The following DPYSL3 variants were observed in gnomAD, a reference collection of about 807,000 sequenced individuals.
The protein encoded by DPYSL3 is dihydropyrimidinase-related protein 3.
In DPYSL3, 16 loss-of-function variants were observed where a neutral mutation model predicts 66.1. That is an observed-to-expected ratio of 0.24 (90% CI 0.16 to 0.37). The LOEUF (loss-of-function observed/expected upper bound fraction) is 0.37, where lower values mean the gene tolerates loss of function less well. Among genes scored for constraint, DPYSL3 ranks in the 10% least tolerant of loss-of-function variants. The pLI, the probability that DPYSL3 is intolerant of heterozygous loss-of-function variation, is 1.00. For synonymous variants in DPYSL3, 338 were observed against 345.1 expected (o/e 0.98, Z 0.23); for missense variants, 738 against 916.2 (o/e 0.81, Z 2.51).
intron 8 of DPYSL3, among the ~76,000 whole-genome samples, chr5:147,403,775 C>T (rs978573497): frequency 3.3e-5 from 5 of 152,114 alleles, no homozygotes; most frequent in Non-Finnish European, 5.9e-5. Flanking sequence ...CTGAGAATGA[C>T]GGTCCATGAG....
At chr5:147,498,930 A>ATCCCATTT (rs1343420296) in intron 1 of DPYSL3, among the ~76,000 whole-genome samples, 10 of 152,036 alleles carry the variant, frequency 6.6e-5, no homozygotes, top group African/African-American at 2.2e-4. Flanking sequence ...GTTTAATTAG[A>ATCCCATTT]TCCCATTTAT....
intron 1 of DPYSL3, among the ~76,000 whole-genome samples, chr5:147,443,938 C>A (rs1752582125): frequency 6.6e-6 from 1 of 152,064 alleles, no homozygotes; most frequent in Non-Finnish European, 1.5e-5. Flanking sequence ...CTTCCTGATG[C>A]CAAGCAGTGC....
chr5:147,463,654 A>G (rs927366783), intron 1 of DPYSL3, among the ~76,000 whole-genome samples: 8 of 152,142 alleles, frequency 5.3e-5, no homozygotes, highest in Non-Finnish European at 1.0e-4. Context: ...CCAATGTGGC[A>G]CAATGGGCAT....
chr5:147,426,815 G>A (rs1301260970), intron 1 of DPYSL3, among the ~76,000 whole-genome samples: 1 of 152,168 alleles, frequency 6.6e-6, no homozygotes, highest in Non-Finnish European at 1.5e-5. Context: ...GCTCTTCTAA[G>A]GTATTGCATA....
chr5:147,465,352 T>C (rs529771763), intron 1 of DPYSL3, among the ~76,000 whole-genome samples: 1 of 152,160 alleles, frequency 6.6e-6, no homozygotes, highest in South Asian at 2.1e-4. Context: ...CAGGCTGGAG[T>C]GCAGTGGCAC....
chr5:147,509,992 C>A lies in DPYSL3; in HGVS notation c.-134G>T. On this transcript the variant is annotated 5_prime_UTR_variant, in exon 1 of 14. Transcript: ENST00000343218. This position sits in a 1 kb window ranked among gnomAD's most constrained non-coding sequence, Gnocchi z 5.3. ...AGCCTTCGCGCCAGAGGCGGCAGTG[C>A]TGCTCCGATTCCTGCTTGTCCCTAG... is the stretch of plus-strand genomic sequence containing the variant. The A allele has an allele frequency of 7.4e-7, 1 of 1,346,808 alleles. No homozygotes were observed. Among genetic ancestry groups the A allele is most frequent in the Non-Finnish European group, 9.8e-7 (1 of 1,022,626 alleles). The allele number at this position is 1,346,808 out of a possible 1,614,324, so 83.4% of individuals were successfully genotyped here.
chr5:147,458,934 G>A (rs1303966216), intron 1 of DPYSL3, among the ~76,000 whole-genome samples: 1 of 151,706 alleles, frequency 6.6e-6, no homozygotes, highest in Non-Finnish European at 1.5e-5. Flanking sequence ...AAGCTCTTAA[G>A]TCAAGTTAAT....
intron 8 of DPYSL3, among the ~76,000 whole-genome samples, chr5:147,404,091 CACA>C (rs375191322): frequency 6.8e-4 from 104 of 152,254 alleles, no homozygotes; most frequent in African/African-American, 2.4e-3. Flanking sequence ...TGGGTGAGGG[CACA>C]AGGAGTTCCT....
At chr5:147,394,963 T>C in intron 13 of DPYSL3, among the ~76,000 whole-genome samples, 1 of 152,212 alleles carries the variant, frequency 6.6e-6, no homozygotes, top group South Asian at 2.1e-4. Context: ...TTCTCCATTT[T>C]AAGACTACTG....
chr5:147,407,108 A>G (rs531562333), intron 7 of DPYSL3, among the ~76,000 whole-genome samples: 1 of 152,228 alleles, frequency 6.6e-6, no homozygotes, highest in African/African-American at 2.4e-5. Context: ...TGAATTGAAC[A>G]GGGGCTGGCT....
At chr5:147,431,149 T>C (rs1752308496) in intron 1 of DPYSL3, among the ~76,000 whole-genome samples, 1 of 152,196 alleles carries the variant, frequency 6.6e-6, no homozygotes, top group Non-Finnish European at 1.5e-5. Context: ...ATGGATAGAC[T>C]GCATGGATGA....
chr5:147,430,786 A>C (rs1177810831), intron 1 of DPYSL3, among the ~76,000 whole-genome samples: 5 of 152,194 alleles, frequency 3.3e-5, no homozygotes, highest in Non-Finnish European at 5.9e-5. Flanking sequence ...ATCTGAGGTA[A>C]TGAGAACATG....
intron 3 of DPYSL3, among the ~76,000 whole-genome samples, chr5:147,416,664 A>T (rs945698185): frequency 5.3e-5 from 8 of 152,208 alleles, no homozygotes; most frequent in African/African-American, 1.9e-4. Flanking sequence ...AAATATACAT[A>T]AAAAACCCGG....
At chr5:147,470,266 AT>A (rs979265229) in intron 1 of DPYSL3, among the ~76,000 whole-genome samples, 2 of 151,982 alleles carry the variant, frequency 1.3e-5, no homozygotes, top group African/African-American at 4.8e-5. Context: ...CCTTCTGCAT[AT>A]TATTCTTGGT....
intron 11 of DPYSL3, 52 bp from the exon 12 acceptor site, chr5:147,397,897 C>T (rs375080336): frequency 9.8e-6 from 8 of 812,280 alleles, no homozygotes; most frequent in East Asian, 4.4e-5. Flanking sequence ...GAAAGAGGAA[C>T]GTACCTTCTC....
chr5:147,474,778 G>A (rs779371701), intron 1 of DPYSL3, among the ~76,000 whole-genome samples: 2 of 151,920 alleles, frequency 1.3e-5, no homozygotes, highest in Non-Finnish European at 2.9e-5. Flanking sequence ...AAAACACTTT[G>A]TTGAGATATA....
At chr5:147,406,318 C>T (rs1005335638) in intron 7 of DPYSL3, 1 of 152,152 alleles carries the variant, frequency 6.6e-6, no homozygotes, top group Non-Finnish European at 1.5e-5. Flanking sequence ...GCTAACCAAC[C>T]CAGTGGCATT....
At chr5:147,491,913 A>G (rs1753421690) in intron 1 of DPYSL3, among the ~76,000 whole-genome samples, 1 of 152,188 alleles carries the variant, frequency 6.6e-6, no homozygotes, top group Admixed American at 6.5e-5. Context: ...CCCCAGATTA[A>G]CATCAGGCAC....
intron 1 of DPYSL3, among the ~76,000 whole-genome samples, chr5:147,484,693 G>T (rs1488981657): frequency 6.6e-6 from 1 of 152,140 alleles, no homozygotes; most frequent in Non-Finnish European, 1.5e-5. Flanking sequence ...TTTGGATAGG[G>T]GTTAAAAAAT....
Sources: allele counts gnomAD v4.1 joint callset (sites outside exome capture counted in the v4.1 genomes callset), GRCh38; gene constraint gnomAD v4.1.1; non-coding constraint Gnocchi (gnomAD v3.1); transcripts MANE v1.5; gene names NCBI Gene and HGNC (gene_info 2026-07-23, HGNC 2026-07-21).